The following ARHGEF7 variants were observed in gnomAD, a reference collection of about 807,000 sequenced individuals.
The protein encoded by ARHGEF7 is PAK-interacting exchange factor beta.
In ARHGEF7, 33 loss-of-function variants were observed where a neutral mutation model predicts 109.8. The ratio of observed to expected loss-of-function variants is 0.30; its 90% CI spans 0.23 to 0.40. The LOEUF (loss-of-function observed/expected upper bound fraction) is 0.40, where lower values mean the gene tolerates loss of function less well. Ranked by LOEUF, ARHGEF7 falls within the 10% of genes least tolerant of loss-of-function variation. ARHGEF7 has a pLI of 1.00. For synonymous variants in ARHGEF7, 458 were observed against 424.6 expected, an observed-to-expected ratio of 1.08 and a Z score of -0.97; for missense variants, 938 against 1,098.5, an observed-to-expected ratio of 0.85 and a Z score of 2.07.
chr13:111,240,056 C>T (rs1244495805), intron 6 of ARHGEF7, among the ~76,000 whole-genome samples: 1 of 152,126 alleles, frequency 6.6e-6, no homozygotes, highest in Non-Finnish European at 1.5e-5. Context: ...TCGTAAAACC[C>T]CTTTTTGTGA....
chr13:111,253,306 C>A (rs534251976), intron 8 of ARHGEF7, among the ~76,000 whole-genome samples: 30 of 152,252 alleles, frequency 2.0e-4, no homozygotes, highest in Admixed American at 4.6e-4. Context: ...AAAATGAATT[C>A]TTGGAATCTA....
At chr13:111,265,563 G>C in intron 8 of ARHGEF7, 1 of 456,752 alleles carries the variant, frequency 2.2e-6, no homozygotes, top group South Asian at 1.5e-5. Flanking sequence ...GTGGAACCGG[G>C]AAGTCCGGGG....
intron 12 of ARHGEF7, 108 bp downstream of exon 12, chr13:111,275,786 C>T (rs1297751767): frequency 2.9e-6 from 4 of 1,393,976 alleles, no homozygotes; most frequent in South Asian, 2.3e-5. Flanking sequence ...AATAGAAGCT[C>T]TATCTTATAA....
At chr13:111,226,464 C>T (rs992654988) in intron 5 of ARHGEF7, among the ~76,000 whole-genome samples, 1 of 152,144 alleles carries the variant, frequency 6.6e-6, no homozygotes, top group Non-Finnish European at 1.5e-5. Context: ...ATCCTAGTAC[C>T]CTTAAGAATT....
At chr13:111,174,094 A>G (rs985676463) in intron 2 of ARHGEF7, among the ~76,000 whole-genome samples, 1 of 152,200 alleles carries the variant, frequency 6.6e-6, no homozygotes, top group African/African-American at 2.4e-5. Context: ...GAGGTAAACA[A>G]GGTAGAATCC....
chr13:111,139,691 A>G (rs961565976), intron 1 of ARHGEF7, among the ~76,000 whole-genome samples: 14 of 152,356 alleles, frequency 9.2e-5, no homozygotes, highest in East Asian at 1.9e-4. Flanking sequence ...GGCAAACCCA[A>G]TTTGGGGCCT....
At chr13:111,170,375 G>T (rs2077488810) in intron 2 of ARHGEF7, among the ~76,000 whole-genome samples, 1 of 152,242 alleles carries the variant, frequency 6.6e-6, no homozygotes, top group Non-Finnish European at 1.5e-5. Flanking sequence ...TGGGATTATA[G>T]GCGTGAGCCA....
rs775175287 is a variant in ARHGEF7 at position 111,266,273 on chromosome 13, C to A, written c.951-1275C>A. Among the ~76,000 whole-genome samples, 1 of 152,048 alleles carries A rather than the reference C, an allele frequency of 6.6e-6. No homozygotes were observed. The highest frequency in any genetic ancestry group is 1.5e-5 in the Non-Finnish European group (1 of 68,018). ...GGAGCCCCATGCTGTTCCTCATTCTCGGTGTGAACAGGTGTTTCTCACTCA... is the reference window on the plus strand; with the variant it reads ...GGAGCCCCATGCTGTTCCTCATTCTAGGTGTGAACAGGTGTTTCTCACTCA... On this transcript the variant is annotated intron_variant, in intron 8 of 21. Transcript: ENST00000646102. This position sits in a 1 kb window ranked among gnomAD's most constrained non-coding sequence, Gnocchi z 4.8.
At chr13:111,133,010 T>A (rs902302050) in intron 1 of ARHGEF7, among the ~76,000 whole-genome samples, 3 of 152,058 alleles carry the variant, frequency 2.0e-5, no homozygotes, top group African/African-American at 7.2e-5. Flanking sequence ...GCATACATAT[T>A]TATATATACA....
At chr13:111,137,894 AGTCACACTGTTTTAG>A (rs2153353597) in intron 1 of ARHGEF7, among the ~76,000 whole-genome samples, 1 of 152,308 alleles carries the variant, frequency 6.6e-6, no homozygotes, top group Admixed American at 6.5e-5. Context: ...CAGAAGATGA[AGTCACACTGTTTTAG>A]GTAAAGATGC....
intron 19 of ARHGEF7, chr13:111,293,232 T>G: frequency 1.0e-6 from 1 of 985,418 alleles, no homozygotes; most frequent in Non-Finnish European, 1.2e-6. Flanking sequence ...TCAAGTGCTG[T>G]GGCTTCAGTT....
chr13:111,287,260 G>A (rs920498571), intron 17 of ARHGEF7, among the ~76,000 whole-genome samples: 1 of 152,222 alleles, frequency 6.6e-6, no homozygotes, highest in Non-Finnish European at 1.5e-5. Context: ...AGGCCCTGGG[G>A]TCTAGTGATT....
chr13:111,251,699 G>T (rs1000474963), intron 8 of ARHGEF7, among the ~76,000 whole-genome samples: 1 of 152,180 alleles, frequency 6.6e-6, no homozygotes, highest in Admixed American at 6.5e-5. Flanking sequence ...TGTAGTTAGT[G>T]CTTCTGGGAT....
intron 6 of ARHGEF7, among the ~76,000 whole-genome samples, chr13:111,238,951 C>T (rs770507741): frequency 2.0e-5 from 3 of 152,148 alleles, no homozygotes; most frequent in African/African-American, 4.8e-5. Flanking sequence ...CTCAGAGTTC[C>T]GCATGGCTGG....
At chr13:111,130,597 C>T (rs1447908870) in intron 1 of ARHGEF7, among the ~76,000 whole-genome samples, 3 of 152,072 alleles carry the variant, frequency 2.0e-5, no homozygotes, top group African/African-American at 7.2e-5. Flanking sequence ...TACTATGTTC[C>T]AAGGATAGTG....
At chr13:111,200,132 C>A (rs1266751525) in intron 2 of ARHGEF7, among the ~76,000 whole-genome samples, 1 of 152,088 alleles carries the variant, frequency 6.6e-6, no homozygotes, top group Non-Finnish European at 1.5e-5. Context: ...CTGTGGACAT[C>A]ACCTCTCTCG....
intron 1 of ARHGEF7, among the ~76,000 whole-genome samples, chr13:111,135,192 G>T (rs1031860072): frequency 3.3e-5 from 5 of 152,164 alleles, no homozygotes; most frequent in African/African-American, 1.2e-4. Flanking sequence ...ATGCTGTTTT[G>T]GTTACTGTAG....
intron 8 of ARHGEF7, among the ~76,000 whole-genome samples, chr13:111,262,948 G>A (rs2091261211): frequency 6.6e-6 from 1 of 152,186 alleles, no homozygotes; most frequent in South Asian, 2.1e-4. Context: ...CCATCCTGCT[G>A]CCCAAGGCCT....
At chr13:111,295,221 G>A in intron 19 of ARHGEF7, 1 of 984,806 alleles carries the variant, frequency 1.0e-6, no homozygotes, top group Non-Finnish European at 1.2e-6. Context: ...TTGTTACATG[G>A]GGGAGGGGAA....
Sources: allele counts gnomAD v4.1 joint callset (sites outside exome capture counted in the v4.1 genomes callset), GRCh38; gene constraint gnomAD v4.1.1; non-coding constraint Gnocchi (gnomAD v3.1); transcripts MANE v1.5; gene names NCBI Gene and HGNC (gene_info 2026-07-23, HGNC 2026-07-21).